The following STAU2 variants were observed in gnomAD, a reference collection of about 807,000 sequenced individuals.
STAU2 encodes double-stranded RNA-binding protein Staufen homolog 2.
A neutral mutation model predicts 65.9 loss-of-function variants in STAU2; 20 were observed. The ratio of observed to expected loss-of-function variants is 0.30; its 90% CI spans 0.21 to 0.44. The LOEUF (loss-of-function observed/expected upper bound fraction) is 0.44, where lower values mean the gene tolerates loss of function less well. Ranked by LOEUF, STAU2 falls within the 20% of genes least tolerant of loss-of-function variation. The probability of loss-of-function intolerance (pLI) is 1.00; values close to 1 mark genes in which losing one functional copy is unlikely to be tolerated. For synonymous variants in STAU2, 232 were observed against 233.9 expected, an observed-to-expected ratio of 0.99 and a Z score of 0.07; for missense variants, 558 against 683.9, an observed-to-expected ratio of 0.82 and a Z score of 2.05.
intron 13 of STAU2, among the ~76,000 whole-genome samples, chr8:73,485,832 T>TCAAA (rs749818136): frequency 1.6e-4 from 25 of 151,932 alleles, no homozygotes; most frequent in African/African-American, 2.2e-4. Context: ...GGACCCTATC[T>TCAAA]CAAACAAACA....
At chr8:73,481,391 A>G (rs4738371) in intron 13 of STAU2, among the ~76,000 whole-genome samples, 115,175 of 151,628 alleles carry the variant, frequency 0.76, 44,153 homozygotes, top group East Asian at 0.95. Context: ...GGTTCTCTGA[A>G]AAGTCAAATT....
At chr8:73,546,148 G>GTTTTT (rs1563412799) in intron 13 of STAU2, among the ~76,000 whole-genome samples, 123 of 116,432 alleles carry the variant, frequency 1.1e-3, no homozygotes, top group Middle Eastern at 6.3e-3. Context: ...TTTTTTTTTG[G>GTTTTT]TAGAGACAGA....
intron 4 of STAU2, among the ~76,000 whole-genome samples, chr8:73,702,236 A>G (rs191408273): frequency 3.9e-5 from 6 of 152,342 alleles, no homozygotes; most frequent in Admixed American, 2.0e-4. Flanking sequence ...CTAAAAGAGT[A>G]TAAGTAGATT....
intron 6 of STAU2, among the ~76,000 whole-genome samples, chr8:73,621,190 T>C (rs1419589079): frequency 7.9e-5 from 12 of 152,112 alleles, no homozygotes; most frequent in East Asian, 3.9e-4. Flanking sequence ...AGGGACCTGG[T>C]TGGAGGTTAA....
intron 9 of STAU2, among the ~76,000 whole-genome samples, chr8:73,607,725 G>A (rs1377311747): frequency 3.0e-5 from 4 of 132,434 alleles, no homozygotes; most frequent in Admixed American, 8.1e-5. Flanking sequence ...CAACAAGAGC[G>A]AAACTCCGTC....
At chr8:73,421,584 AAAC>A (rs1279247566) in intron 14 of STAU2, 119 bp from the exon 15 acceptor site, 11 of 864,464 alleles carry the variant, frequency 1.3e-5, no homozygotes, top group African/African-American at 1.7e-5. Flanking sequence ...TTTTAAAGTG[AAAC>A]AACAATATTT....
intron 6 of STAU2, among the ~76,000 whole-genome samples, chr8:73,669,988 T>C (rs1216890908): frequency 2.6e-5 from 4 of 152,178 alleles, no homozygotes; most frequent in Non-Finnish European, 1.5e-5. Flanking sequence ...CATAAATCTA[T>C]TTACTAGAGT....
intron 9 of STAU2, among the ~76,000 whole-genome samples, chr8:73,612,213 T>C (rs571180535): frequency 2.0e-5 from 3 of 152,320 alleles, no homozygotes; most frequent in Admixed American, 2.0e-4. Flanking sequence ...ATACCAATAG[T>C]TAATATGTGT....
intron 13 of STAU2, among the ~76,000 whole-genome samples, chr8:73,481,687 G>A (rs1158054471): frequency 2.0e-5 from 3 of 152,012 alleles, no homozygotes; most frequent in Non-Finnish European, 4.4e-5. Flanking sequence ...TTTTAAATAG[G>A]ATTGTATTTC....
chr8:73,467,248 C>T (rs970172890), intron 13 of STAU2, among the ~76,000 whole-genome samples: 1 of 152,132 alleles, frequency 6.6e-6, no homozygotes, highest in Non-Finnish European at 1.5e-5. Context: ...ATTAGTTCTT[C>T]TCGGCCGGGC....
chr8:73,479,587 A>G (rs1048173158), intron 13 of STAU2, among the ~76,000 whole-genome samples: 1 of 152,034 alleles, frequency 6.6e-6, no homozygotes, highest in African/African-American at 2.4e-5. Context: ...AAAAATGATA[A>G]TACAGTAGAA....
intron 3 of STAU2, among the ~76,000 whole-genome samples, chr8:73,727,009 C>T (rs189108784): frequency 9.9e-5 from 15 of 152,254 alleles, no homozygotes; most frequent in African/African-American, 3.6e-4. Context: ...GCAGGTGGAT[C>T]ACTTGAGGTC....
chr8:73,639,746 A>G (rs1814817374), intron 6 of STAU2, among the ~76,000 whole-genome samples: 1 of 152,106 alleles, frequency 6.6e-6, no homozygotes, highest in Non-Finnish European at 1.5e-5. Flanking sequence ...TTCTGGTTTG[A>G]TATTATTTTT....
At chr8:73,459,139 T>TA (rs1819217679) in intron 13 of STAU2, among the ~76,000 whole-genome samples, 1 of 152,232 alleles carries the variant, frequency 6.6e-6, no homozygotes, top group Non-Finnish European at 1.5e-5. Context: ...TAACGGCTGC[T>TA]GTTTTGGTGT....
intron 10 of STAU2, among the ~76,000 whole-genome samples, chr8:73,596,588 G>T (rs766441158): frequency 2.0e-5 from 3 of 152,146 alleles, no homozygotes; most frequent in Non-Finnish European, 4.4e-5. Context: ...TTCTGGTCAG[G>T]TGTGGTGGCT....
intron 13 of STAU2, among the ~76,000 whole-genome samples, chr8:73,538,171 G>A (rs10957672): frequency 6.6e-6 from 1 of 151,890 alleles, no homozygotes; most frequent in Non-Finnish European, 1.5e-5. Context: ...ACATTAGTAG[G>A]AAAACTGGCA....
At position 73,524,373 on chromosome 8, in the gene STAU2, G is replaced by A. The variant is rs79866432; in HGVS notation, c.1530+27639C>T. ...ATGGTAGGGGGACGCAGGGAACAAA[G>A]AGTTCCATAAATTTGGGCATCATCA... On this transcript the variant is annotated intron_variant, in intron 13 of 14. Coordinates refer to ENST00000524300, the MANE Select transcript of STAU2 (RefSeq NM_001164380.2). 2.3e-4 allele frequency among the ~76,000 whole-genome samples: 35 copies of A among 152,232 alleles called. No individual in the cohort carries two copies. In the East Asian group the frequency reaches 5.0e-3, roughly 22 times the overall value.
intron 6 of STAU2, among the ~76,000 whole-genome samples, chr8:73,649,963 T>C (rs1485201924): frequency 7.0e-6 from 1 of 142,588 alleles, no homozygotes; most frequent in Non-Finnish European, 1.5e-5. Context: ...TTCCCTAACA[T>C]TAGCAACTGA....
intron 6 of STAU2, among the ~76,000 whole-genome samples, chr8:73,637,090 ACTAC>A (rs1181507667): frequency 6.6e-6 from 1 of 151,996 alleles, no homozygotes; most frequent in Non-Finnish European, 1.5e-5. Context: ...CAGAAATTAT[ACTAC>A]CTAACTATTA....
Sources: allele counts gnomAD v4.1 joint callset (sites outside exome capture counted in the v4.1 genomes callset), GRCh38; gene constraint gnomAD v4.1.1; transcripts MANE v1.5; gene names NCBI Gene and HGNC (gene_info 2026-07-23, HGNC 2026-07-21).